The following SEC63 variants were observed in gnomAD, a reference collection of about 807,000 sequenced individuals.
The protein encoded by SEC63 is SEC63 protein translocation regulator.
A neutral mutation model predicts 116.2 loss-of-function variants in SEC63; 56 were observed. The ratio of observed to expected loss-of-function variants is 0.48; its 90% CI spans 0.39 to 0.60. SEC63 has a LOEUF of 0.60. Ranked by LOEUF, SEC63 falls within the 20% of genes least tolerant of loss-of-function variation. The probability of loss-of-function intolerance (pLI) is 0.00; values close to 1 mark genes in which losing one functional copy is unlikely to be tolerated. For missense variants in SEC63, 668 were observed against 900.0 expected, an observed-to-expected ratio of 0.74 and a Z score of 3.30; for synonymous variants, 273 against 294.6, an observed-to-expected ratio of 0.93 and a Z score of 0.75.
intron 8 of SEC63, among the ~76,000 whole-genome samples, chr6:107,908,578 C>T (rs542060223): frequency 6.6e-6 from 1 of 152,192 alleles, no homozygotes; most frequent in Admixed American, 6.5e-5. Flanking sequence ...AAACAGCACT[C>T]ACTTACGAGA....
chr6:107,941,547 C>G (rs939049861), intron 1 of SEC63, among the ~76,000 whole-genome samples: 2 of 151,450 alleles, frequency 1.3e-5, no homozygotes, highest in African/African-American at 4.8e-5. Context: ...ATTTGGCATA[C>G]AGTGGAAGAA....
chr6:107,904,829 C>A, intron 10 of SEC63, 108 bp from the exon 11 acceptor site: 1 of 848,800 alleles, frequency 1.2e-6, no homozygotes. Flanking sequence ...AAATATTTCA[C>A]ATGATCTCAG....
rs765693033 is a variant in SEC63, at chr6:107,957,892, TC to T, written c.117del (p.Asn40MetfsTer7). ...AAAGGCCGGCGGGACTCACCGGCATTCTGATCTCGGGGCCAGAGGTAGTATG... is the reference window on the plus strand; with the variant it reads ...AAAGGCCGGCGGGACTCACCGGCATTTGATCTCGGGGCCAGAGGTAGTATG... Reference protein sequence around the residue: ...PATYYLWPRDQNAEQIRLKNI... With the variant: ...PATYYLWPRDXNAEQIRLKNI... On this transcript the variant is annotated frameshift_variant, in exon 1 of 21. Transcript: ENST00000369002. LOFTEE classifies it high-confidence loss of function. The T allele has an allele frequency of 6.2e-7, 1 of 1,611,816 alleles. No individual in the cohort carries two copies. The highest frequency in any genetic ancestry group is 1.3e-5 in the African/African-American group (1 of 74,764).
intron 1 of SEC63, among the ~76,000 whole-genome samples, chr6:107,936,036 C>T (rs534459255): frequency 6.6e-6 from 1 of 152,250 alleles, no homozygotes; most frequent in South Asian, 2.1e-4. Flanking sequence ...ATCCCACTTT[C>T]AAGTATAAAA....
At chr6:107,939,531 C>T (rs1376634972) in intron 1 of SEC63, among the ~76,000 whole-genome samples, 1 of 152,124 alleles carries the variant, frequency 6.6e-6, no homozygotes, top group Non-Finnish European at 1.5e-5. Context: ...GCAGACGGAT[C>T]GCGTGAGGTC....
chr6:107,894,887 C>A (rs1272102988), intron 14 of SEC63, among the ~76,000 whole-genome samples: 4 of 151,972 alleles, frequency 2.6e-5, no homozygotes, highest in African/African-American at 9.7e-5. Flanking sequence ...ACTGTGCCTG[C>A]CCTGCCACCT....
rs1005194531 is a variant in SEC63 at position 107,869,373 on chromosome 6, G to A, written c.*2331C>T. On this transcript the variant is annotated 3_prime_UTR_variant, in exon 21 of 21. Coordinates refer to ENST00000369002, the MANE Select transcript of SEC63 (RefSeq NM_007214.5). ...CTCATGAACAGCTGTATTTTAATAG[G>A]TACTTTACCAATTAGAGAAAAATAT... 1.3e-5 allele frequency: 2 copies of A among 151,984 alleles called. No individual in the cohort carries two copies. The highest frequency in any genetic ancestry group is 2.9e-5 in the Non-Finnish European group (2 of 68,016). The allele number at this position is 151,984 out of a possible 1,614,324, so 9.4% of individuals were successfully genotyped here. A position where few individuals can be genotyped will look rare whatever the true frequency, so the allele number is the denominator to read the frequency against.
At chr6:107,933,589 G>A (rs916346518) in intron 1 of SEC63, among the ~76,000 whole-genome samples, 6 of 152,094 alleles carry the variant, frequency 3.9e-5, no homozygotes, top group Non-Finnish European at 5.9e-5. Context: ...CTAAATAACT[G>A]GTCTCTAATC....
At chr6:107,874,595 C>CAAAAA (rs35096526) in intron 19 of SEC63, among the ~76,000 whole-genome samples, 9 of 64,540 alleles carry the variant, frequency 1.4e-4, no homozygotes, top group Admixed American at 3.1e-4. Context: ...GACTCTGTCT[C>CAAAAA]AAAAAAAAAA....
chr6:107,904,881 T>C (rs1213717587), intron 10 of SEC63, among the ~76,000 whole-genome samples, 160 bp from the exon 11 acceptor site: 4 of 152,222 alleles, frequency 2.6e-5, no homozygotes, highest in Non-Finnish European at 5.9e-5. Context: ...TCAGTATCAC[T>C]ATGTCAAAAA....
rs377749884 is a variant in SEC63, at chr6:107,920,372, G to A, written c.452+1425C>T. On this transcript the variant is annotated intron_variant, in intron 4 of 20. Coordinates refer to ENST00000369002, the MANE Select transcript of SEC63 (RefSeq NM_007214.5). Reference sequence around the variant, plus strand: ...ACCTGGGAGGCAAAGCTTGCAGTGAGCCGAGATAGCGCCACTGCAGTCCAG... The same window carrying A: ...ACCTGGGAGGCAAAGCTTGCAGTGAACCGAGATAGCGCCACTGCAGTCCAG... Among the ~76,000 whole-genome samples, 82 of 136,984 alleles carry A rather than the reference G, an allele frequency of 6.0e-4. 1 individual carries two copies. The South Asian group carries it at 8.2e-3, about 14-fold the overall frequency. 89.9% of individuals were successfully genotyped at this position (136,984 alleles called of 152,430 possible).
chr6:107,913,522 CT>C, intron 4 of SEC63, 95 bp from the exon 5 acceptor site: 1 of 858,044 alleles, frequency 1.2e-6, no homozygotes, highest in Non-Finnish European at 2.0e-6. Context: ...CAACTCATTT[CT>C]TAGAAGATAC....
intron 16 of SEC63, among the ~76,000 whole-genome samples, chr6:107,890,300 T>C (rs1786650297): frequency 6.6e-6 from 1 of 152,228 alleles, no homozygotes; most frequent in African/African-American, 2.4e-5. Context: ...TCTTGTTGCA[T>C]TGATCCCTTT....
intron 17 of SEC63, 85 bp from the exon 18 acceptor site, chr6:107,881,335 C>A: frequency 1.1e-6 from 1 of 881,116 alleles, no homozygotes; most frequent in South Asian, 1.4e-5. Flanking sequence ...CCTGACAATG[C>A]TAATTAACTA....
At chr6:107,903,582 G>A (rs1787060558) in intron 11 of SEC63, among the ~76,000 whole-genome samples, 1 of 152,170 alleles carries the variant, frequency 6.6e-6, no homozygotes, top group African/African-American at 2.4e-5. Context: ...GTATGCACCT[G>A]TAGTTCCAGC....
At chr6:107,936,803 A>C (rs1770255621) in intron 1 of SEC63, among the ~76,000 whole-genome samples, 1 of 152,202 alleles carries the variant, frequency 6.6e-6, no homozygotes, top group African/African-American at 2.4e-5. Context: ...TAGAACCCAA[A>C]GAGGTGAAGG....
chr6:107,885,799 T>C (rs1429258168), intron 16 of SEC63, among the ~76,000 whole-genome samples: 1 of 152,144 alleles, frequency 6.6e-6, no homozygotes, highest in African/African-American at 2.4e-5. Context: ...GGCATAAGAA[T>C]AGACAAATAA....
At chr6:107,938,320 G>A (rs905782553) in intron 1 of SEC63, among the ~76,000 whole-genome samples, 11 of 144,634 alleles carry the variant, frequency 7.6e-5, no homozygotes, top group African/African-American at 2.8e-4. Context: ...GTGCCATCAC[G>A]GTTCACTGCA....
At chr6:107,894,784 T>C (rs543335961) in intron 14 of SEC63, among the ~76,000 whole-genome samples, 2 of 151,354 alleles carry the variant, frequency 1.3e-5, no homozygotes, top group Non-Finnish European at 3.0e-5. Context: ...TTTTTTTTTT[T>C]TAAAGACAGT....
Sources: allele counts gnomAD v4.1 joint callset (sites outside exome capture counted in the v4.1 genomes callset), GRCh38; gene constraint gnomAD v4.1.1; transcripts MANE v1.5; gene names NCBI Gene and HGNC (gene_info 2026-07-23, HGNC 2026-07-21).